GALNT13: variants seen among roughly 807,000 people sequenced by gnomAD.
GALNT13 encodes the protein UDP-GalNAc:polypeptide N-acetylgalactosaminyltransferase 13.
Under a neutral mutation model 64.2 loss-of-function variants are expected in GALNT13, and 28 were observed. The ratio of observed to expected loss-of-function variants is 0.44; its 90% CI spans 0.32 to 0.60. GALNT13 has a LOEUF of 0.60. Among genes scored for constraint, GALNT13 ranks in the 20% least tolerant of loss-of-function variants. GALNT13 has a pLI of 0.05. For missense variants in GALNT13, 577 were observed against 669.8 expected (o/e 0.86, Z 1.53); for synonymous variants, 214 against 224.6 (o/e 0.95, Z 0.42).
At chr2:153,729,171 T>C in the GALNT13 span, among the ~76,000 whole-genome samples, 1 of 152,044 alleles carries the variant, frequency 6.6e-6, no homozygotes, top group African/African-American at 2.4e-5. Context: ...GCTGGAAGCA[T>C]TCCCTTTGAA....
rs1690550318 is a variant in GALNT13, at chr2:154,259,129, G to A, written c.966G>A (p.Met322Ile). 1 of 1,537,744 alleles carries A rather than the reference G, an allele frequency of 6.5e-7. No homozygotes were observed. Among genetic ancestry groups the A allele is most frequent in the Non-Finnish European group, 9.0e-7 (1 of 1,113,138 alleles). Residue 322 changes from methionine (M) to isoleucine (I), a missense_variant, in exon 8 of 13, where the codon ATG (methionine) becomes ATA (isoleucine). Met to Ile is a conservative substitution (Grantham distance 10). Around this residue, in one of 3 missense-constraint regions of GALNT13, gnomAD observed 4 missense variants for 20.0 expected, o/e 0.20. Transcript: ENST00000392825. ...MDIWGGENLE[M>I]SFRIWQCGGS... Reference sequence around the variant, plus strand: ...TCTGGGGTGGAGAGAATCTTGAAATGTCTTTTAGGGTAATTGCATTTTATT... The same window carrying A: ...TCTGGGGTGGAGAGAATCTTGAAATATCTTTTAGGGTAATTGCATTTTATT...
At chr2:153,981,551 C>G (rs553158032) in intron 3 of GALNT13, among the ~76,000 whole-genome samples, 18 of 152,236 alleles carry the variant, frequency 1.2e-4, no homozygotes, top group African/African-American at 3.8e-4. Flanking sequence ...ATGAACTCAT[C>G]CTTTTTTATG....
At chr2:153,134,095 C>A in the GALNT13 span, among the ~76,000 whole-genome samples, 1 of 152,132 alleles carries the variant, frequency 6.6e-6, no homozygotes, top group Non-Finnish European at 1.5e-5. Flanking sequence ...GGCAGAGCAC[C>A]CCTTCCGTTT....
chr2:154,112,174 A>G (rs963411562), intron 3 of GALNT13, among the ~76,000 whole-genome samples: 1 of 152,184 alleles, frequency 6.6e-6, no homozygotes, highest in Non-Finnish European at 1.5e-5. Context: ...TAATGGTGCC[A>G]TATGGAAATC....
Position 154,074,200 on chromosome 2 carries a change from T to G in GALNT13, c.143-66137T>G, listed in dbSNP as rs527362983. Among the ~76,000 whole-genome samples the G allele has an allele frequency of 2.0e-5, 3 of 151,976 alleles. No individual in the cohort carries two copies. The South Asian group carries it at 6.2e-4, about 31-fold the overall frequency. On this transcript the variant is annotated intron_variant, in intron 3 of 12. Coordinates refer to ENST00000392825, the MANE Select transcript of GALNT13 (RefSeq NM_052917.4). ...TCCTAAGATAAAAAATTTTGAGAGCTGCTATACCACATTTTGAAAATCATA... is the reference window on the plus strand; with the variant it reads ...TCCTAAGATAAAAAATTTTGAGAGCGGCTATACCACATTTTGAAAATCATA...
intron 4 of GALNT13, among the ~76,000 whole-genome samples, chr2:154,156,780 G>A (rs1028646730): frequency 6.6e-6 from 1 of 152,166 alleles, no homozygotes; most frequent in Non-Finnish European, 1.5e-5. Context: ...TGAGGCATGG[G>A]TTGGCCCTTG....
the GALNT13 span, among the ~76,000 whole-genome samples, chr2:153,088,734 T>C: frequency 6.6e-6 from 1 of 152,160 alleles, no homozygotes; most frequent in African/African-American, 2.4e-5. Context: ...CCTCCTTGTC[T>C]ATTTTTTACT....
the GALNT13 span, among the ~76,000 whole-genome samples, chr2:153,613,779 C>T: frequency 6.6e-6 from 1 of 152,006 alleles, no homozygotes; most frequent in Non-Finnish European, 1.5e-5. Context: ...CCAGCTTCAT[C>T]CATGTCCCTA....
chr2:154,384,190 G>A (rs1037362476), intron 9 of GALNT13, among the ~76,000 whole-genome samples: 26 of 151,824 alleles, frequency 1.7e-4, no homozygotes, highest in African/African-American at 6.3e-4. Flanking sequence ...TTTATGTTTT[G>A]CTAGTGACTA....
intron 3 of GALNT13, among the ~76,000 whole-genome samples, chr2:154,109,081 T>G (rs1036714657): frequency 6.6e-6 from 1 of 152,122 alleles, no homozygotes; most frequent in Non-Finnish European, 1.5e-5. Flanking sequence ...AAATATGATA[T>G]TAGAATTTTG....
chr2:153,303,805 T>C, the GALNT13 span, among the ~76,000 whole-genome samples: 1 of 152,054 alleles, frequency 6.6e-6, no homozygotes, highest in Non-Finnish European at 1.5e-5. Flanking sequence ...GGGGTGGGGA[T>C]AGATAGAGGA....
chr2:153,790,163 C>T, the GALNT13 span, among the ~76,000 whole-genome samples: 1 of 152,118 alleles, frequency 6.6e-6, no homozygotes, highest in Non-Finnish European at 1.5e-5. Context: ...ACTTGATGAA[C>T]ATCTGTGCAA....
At chr2:153,848,617 A>C in the GALNT13 span, among the ~76,000 whole-genome samples, 326 of 152,294 alleles carry the variant, frequency 2.1e-3, 3 homozygotes, top group South Asian at 0.015. Flanking sequence ...CAAATTTCTC[A>C]AATCAGAAAT....
rs66852005 is a variant in GALNT13, at chr2:153,875,111, C to CATATAT, written c.-177+2821_-177+2826dup. On this transcript the variant is annotated intron_variant, in intron 1 of 12. Transcript: ENST00000392825. ...TAATTTATGGATTCCCCTACTGCTTCATATATATATATATATATGAGATGT... is the reference window on the plus strand; with the variant it reads ...TAATTTATGGATTCCCCTACTGCTTCATATATATATATATATATATATATGAGATGT... Among the ~76,000 whole-genome samples, 292 of 150,238 alleles carry CATATAT rather than the reference C, an allele frequency of 1.9e-3. 3 individuals are homozygous for CATATAT. The highest frequency in any genetic ancestry group is 0.01 in the Middle Eastern group (3 of 292).
chr2:153,302,972 G>A, the GALNT13 span, among the ~76,000 whole-genome samples: 22 of 152,136 alleles, frequency 1.4e-4, no homozygotes, highest in Non-Finnish European at 2.9e-4. Context: ...TTGAAGTCAG[G>A]TAGTGTGATG....
the GALNT13 span, among the ~76,000 whole-genome samples, chr2:153,606,072 A>G: frequency 3.3e-5 from 5 of 152,104 alleles, no homozygotes; most frequent in African/African-American, 1.2e-4. Flanking sequence ...ATAGCAGGCA[A>G]TGACAGTGAA....
chr2:154,350,596 G>T (rs1045740774), intron 9 of GALNT13, among the ~76,000 whole-genome samples: 1 of 152,178 alleles, frequency 6.6e-6, no homozygotes, highest in Non-Finnish European at 1.5e-5. Flanking sequence ...GAACTTCACC[G>T]TGTGACTGTG....
At chr2:153,522,161 T>C in the GALNT13 span, among the ~76,000 whole-genome samples, 23 of 151,950 alleles carry the variant, frequency 1.5e-4, no homozygotes, top group Non-Finnish European at 2.6e-4. Context: ...GGTGAAAGCC[T>C]GTCTCTACTA....
the GALNT13 span, among the ~76,000 whole-genome samples, chr2:153,618,469 C>A: frequency 2.0e-5 from 3 of 151,738 alleles, no homozygotes; most frequent in Non-Finnish European, 1.5e-5. Context: ...AATAATCCAT[C>A]TGTTGAGGAA....
Sources: allele counts gnomAD v4.1 joint callset (sites outside exome capture counted in the v4.1 genomes callset), GRCh38; gene constraint gnomAD v4.1.1; regional missense constraint gnomAD v4.1.1; transcripts MANE v1.5; gene names NCBI Gene and HGNC (gene_info 2026-07-23, HGNC 2026-07-21).